ASCC2: variants seen among roughly 807,000 people sequenced by gnomAD.
ASCC2 encodes the protein activating signal cointegrator 1 complex subunit 2.
ASCC2 carries 42 observed loss-of-function variants against 93.5 expected under a neutral mutation model. That is an observed-to-expected ratio of 0.45 (90% confidence interval 0.35 to 0.58). The LOEUF is 0.58. Ranked by LOEUF, ASCC2 falls within the 20% of genes least tolerant of loss-of-function variation. ASCC2 has a pLI of 0.00. For missense variants in ASCC2, 859 were observed against 977.6 expected (o/e 0.88, Z 1.62); for synonymous variants, 364 against 384.2 (o/e 0.95, Z 0.62).
At chr22:29,802,649 A>G (rs758750939) in intron 13 of ASCC2, among the ~76,000 whole-genome samples, 25 of 152,030 alleles carry the variant, frequency 1.6e-4, no homozygotes, top group Non-Finnish European at 3.1e-4. Flanking sequence ...AAATTTAAAA[A>G]AGTAGCCAGG....
chr22:29,793,537 G>A, intron 16 of ASCC2, 40 bp downstream of exon 16: 1 of 1,613,760 alleles, frequency 6.2e-7, no homozygotes, highest in Non-Finnish European at 8.5e-7. Flanking sequence ...GGCTGGCCTG[G>A]TTTCCCTGGC....
intron 12 of ASCC2, among the ~76,000 whole-genome samples, chr22:29,805,138 T>C (rs1169944646): frequency 6.6e-6 from 1 of 152,210 alleles, no homozygotes; most frequent in African/African-American, 2.4e-5. Context: ...TTGTACTGAC[T>C]GCCAGGAGGA....
chr22:29,819,892 C>T (rs1291134856), intron 5 of ASCC2, among the ~76,000 whole-genome samples: 1 of 152,092 alleles, frequency 6.6e-6, no homozygotes, highest in Non-Finnish European at 1.5e-5. Flanking sequence ...CAGGATCTCA[C>T]TTTGTCACCC....
intron 17 of ASCC2, 51 bp downstream of exon 17, chr22:29,793,309 T>C (rs762087082): frequency 8.7e-6 from 14 of 1,606,160 alleles, no homozygotes; most frequent in Non-Finnish European, 1.1e-5. Context: ...GGGAGCCCCA[T>C]GGGCCTGAGA....
chr22:29,825,664 G>A lies in ASCC2; in HGVS notation c.198C>T (p.Leu66=), dbSNP rs199602779. The A allele has an allele frequency of 2.5e-6, 4 of 1,614,220 alleles. No individual in the cohort carries two copies. Among genetic ancestry groups the A allele is most frequent in the Non-Finnish European group, 3.4e-6 (4 of 1,180,038 alleles). ...CGTGAGGCAAGGCCAGGAGCCAGTC[G>A]AGGTCATTGGCTACGAAGGTGGCGC... ...LERATFVAND[L]DWLLALPHDK... is the part of the protein sequence containing the mutation. Residue 66 remains leucine (L), a synonymous_variant, in exon 3 of 20, where the codon CTC becomes CTT. Coordinates refer to ENST00000307790, the MANE Select transcript of ASCC2 (RefSeq NM_032204.5). The surrounding 1 kb of genome is among the most constrained non-coding windows in gnomAD (Gnocchi z 4.9).
At chr22:29,838,146 C>A in intron 1 of ASCC2, 32 bp downstream of exon 1, 2 of 461,896 alleles carry the variant, frequency 4.3e-6, no homozygotes, top group South Asian at 3.1e-5. Context: ...GTCCCTTGCC[C>A]TGCATCTGGC....
At chr22:29,803,298 TATTAA>T (rs969100433) in intron 13 of ASCC2, among the ~76,000 whole-genome samples, 6 of 151,662 alleles carry the variant, frequency 4.0e-5, no homozygotes, top group Non-Finnish European at 7.4e-5. Flanking sequence ...TAAATAATTA[TATTAA>T]ATTAAATTAA....
chr22:29,792,490 T>C lies in ASCC2; in HGVS notation c.1965A>G (p.Glu655=), dbSNP rs1178276469. 6.2e-7 allele frequency: 1 copy of C among 1,614,044 alleles called. No homozygotes were observed. ...PQVLRTKVPR[E]GQEEDDDDEE... is the part of the protein sequence containing the mutation. Reference sequence around the variant, plus strand: ...CATCGTCGTCATCCTCCTCCTGCCCTTCTCTAGGCACTTTGGTTCTCAGCA... The same window carrying C: ...CATCGTCGTCATCCTCCTCCTGCCCCTCTCTAGGCACTTTGGTTCTCAGCA... The change falls in exon 18 of 20, where the codon GAA becomes GAG. Residue 655 remains glutamate, a synonymous_variant. Coordinates refer to ENST00000307790, the MANE Select transcript of ASCC2 (RefSeq NM_032204.5).
intron 2 of ASCC2, among the ~76,000 whole-genome samples, chr22:29,832,015 G>A (rs145515686): frequency 6.6e-6 from 1 of 152,102 alleles, no homozygotes; most frequent in Non-Finnish European, 1.5e-5. Flanking sequence ...AAATGCTTTG[G>A]GGGGAAGGTG....
chr22:29,801,966 G>A lies in ASCC2; in HGVS notation c.1568+28C>T, dbSNP rs571276803. On this transcript the variant is annotated intron_variant, in intron 14 of 19. Transcript: ENST00000307790. ...CCACCCCGAGGCAGCCTGGGCAGCGGGAGCCTCCTCCCACCTGTCTCTCCC... is the reference window on the plus strand; with the variant it reads ...CCACCCCGAGGCAGCCTGGGCAGCGAGAGCCTCCTCCCACCTGTCTCTCCC... 30 of 1,555,584 alleles carry A rather than the reference G, an allele frequency of 1.9e-5. No homozygotes were observed. In the South Asian group the frequency reaches 3.4e-4, roughly 18 times the overall value.
In ASCC2 at chr22:29,789,137, T is replaced by A; in HGVS notation, c.2150A>T (p.His717Leu). The A allele has an allele frequency of 6.2e-7, 1 of 1,614,182 alleles. No homozygotes were observed. The highest frequency in any genetic ancestry group is 8.5e-7 in the Non-Finnish European group (1 of 1,180,020). The change falls in exon 20 of 20, where the codon CAT becomes CTT. Residue 717 changes from histidine to leucine, a missense_variant. Coordinates refer to ENST00000307790, the MANE Select transcript of ASCC2 (RefSeq NM_032204.5). Reference protein sequence around the residue: ...STAVAGSPRGHGQSRETTQER... With the variant: ...STAVAGSPRGLGQSRETTQER... ...CTGGGTTGTCTCGCGGCTCTGCCCA[T>A]GGCCTCGGGGGCTGCCGGCCACTGC...
chr22:29,834,848 A>G (rs540179406), intron 1 of ASCC2, among the ~76,000 whole-genome samples: 4 of 152,188 alleles, frequency 2.6e-5, no homozygotes, highest in African/African-American at 9.6e-5. Context: ...AAATAATAAT[A>G]ATAATTTTTT....
chr22:29,818,805 C>T (rs1244539286), intron 5 of ASCC2, among the ~76,000 whole-genome samples: 1 of 152,104 alleles, frequency 6.6e-6, no homozygotes, highest in African/African-American at 2.4e-5. Flanking sequence ...CTCACCTCTA[C>T]CCAAAGCTTC....
intron 4 of ASCC2, among the ~76,000 whole-genome samples, chr22:29,823,812 A>T (rs1247949925): frequency 6.6e-6 from 1 of 150,490 alleles, no homozygotes; most frequent in Non-Finnish European, 1.5e-5. Flanking sequence ...ATGCCATTGC[A>T]CTCCAGCCTG....
At chr22:29,821,988 G>A in intron 5 of ASCC2, 1 of 444,286 alleles carries the variant, frequency 2.3e-6, no homozygotes, top group South Asian at 1.6e-5. Flanking sequence ...GACAGAGCAA[G>A]GCTTTGTCTT....
Position 29,806,497 on chromosome 22 carries a change from A to G in ASCC2, c.1073T>C (p.Leu358Pro), listed in dbSNP as rs2059692804. ...CAGCCACACTCACCTCTTCTCCTGCAGCAAGGAGCTGAAGATCTGAAGGAA... is the reference window on the plus strand; with the variant it reads ...CAGCCACACTCACCTCTTCTCCTGCGGCAAGGAGCTGAAGATCTGAAGGAA... ...EEFLQIFSSL[L>P]QEKRFLRDYD... The change falls in exon 11 of 20, where the codon CTG (leucine) becomes CCG (proline). Residue 358 changes from leucine (L) to proline (P), a missense_variant. Physicochemically the swap from Leu to Pro is moderately conservative, Grantham distance 98. Transcript: ENST00000307790. 5 of 1,614,036 alleles carry G rather than the reference A, an allele frequency of 3.1e-6. No individual in the cohort carries two copies. Among genetic ancestry groups the G allele is most frequent in the Non-Finnish European group, 3.4e-6 (4 of 1,179,950 alleles).
At chr22:29,822,230 T>A (rs1486201793) in intron 5 of ASCC2, 105 bp downstream of exon 5, 2 of 1,461,172 alleles carry the variant, frequency 1.4e-6, no homozygotes, top group Non-Finnish European at 1.9e-6. Flanking sequence ...CCTGCCCCTA[T>A]CGCCCTGAGT....
chr22:29,830,614 C>T (rs1266740640), intron 2 of ASCC2, among the ~76,000 whole-genome samples: 1 of 152,162 alleles, frequency 6.6e-6, no homozygotes, highest in Non-Finnish European at 1.5e-5. Context: ...TGGTCTGGAT[C>T]GGCGGCCCCG....
intron 5 of ASCC2, chr22:29,822,089 A>G (rs1480591625): frequency 2.1e-6 from 1 of 479,182 alleles, no homozygotes; most frequent in East Asian, 4.5e-5. Context: ...AAAAAAAACA[A>G]AAACAAAAAA....
Sources: allele counts gnomAD v4.1 joint callset (sites outside exome capture counted in the v4.1 genomes callset), GRCh38; gene constraint gnomAD v4.1.1; non-coding constraint Gnocchi (gnomAD v3.1); transcripts MANE v1.5; gene names NCBI Gene and HGNC (gene_info 2026-07-23, HGNC 2026-07-21).